MYOF: variants seen among roughly 807,000 people sequenced by gnomAD.
The protein encoded by MYOF is myoferlin.
MYOF carries 244 observed loss-of-function variants against 284.2 expected under a neutral mutation model. That is an observed-to-expected ratio of 0.86 (90% CI 0.77 to 0.95). MYOF has a LOEUF of 0.95. Among genes scored for constraint, MYOF ranks in the 40% least tolerant of loss-of-function variants. MYOF has a pLI of 0.00. For synonymous variants in MYOF, 904 were observed against 919.7 expected, an observed-to-expected ratio of 0.98 and a Z score of 0.31; for missense variants, 2,496 against 2,560.6, an observed-to-expected ratio of 0.97 and a Z score of 0.54.
rs771623993 is a variant in MYOF, at chr10:93,409,608, G to C, written c.565C>G (p.Arg189Gly). The C allele has an allele frequency of 1.2e-6, 2 of 1,614,078 alleles. No individual in the cohort carries two copies. The highest frequency in any genetic ancestry group is 1.7e-5 in the Admixed American group (1 of 60,012). The change falls in exon 6 of 54, where the codon CGG becomes GGG. Residue 189 changes from arginine to glycine, a missense_variant. This residue lies in a region of MYOF where 2,436 missense variants were observed against 2,480.7 expected (regional missense o/e 0.98). Coordinates refer to ENST00000359263, the MANE Select transcript of MYOF (RefSeq NM_013451.4). ...TGTGGCTTATTTGACAGCATCCGCC[G>C]GCTGTTCTTTACTTTGGTGAGCCTC... The part of the protein sequence containing the change: ...ARRLTKVKNS[R>G]RMLSNKPQDF...
intron 3 of MYOF, among the ~76,000 whole-genome samples, chr10:93,432,438 C>G (rs770942876): frequency 2.6e-5 from 4 of 151,890 alleles, no homozygotes; most frequent in Non-Finnish European, 4.4e-5. Context: ...CCCACTACCC[C>G]CCGCCAGAAT....
chr10:93,370,068 T>C (rs1845514818), intron 24 of MYOF, among the ~76,000 whole-genome samples: 1 of 152,210 alleles, frequency 6.6e-6, no homozygotes, highest in South Asian at 2.1e-4. Flanking sequence ...ATTTATCTTC[T>C]TTACTGTATT....
rs184058601 is a variant in MYOF, at chr10:93,460,856, G to A, written c.89-3919C>T. Among the ~76,000 whole-genome samples the A allele has an allele frequency of 4.8e-3, 730 of 152,174 alleles. 4 individuals are homozygous for A. Among genetic ancestry groups the A allele is most frequent in the African/African-American group, 0.017 (700 of 41,518 alleles). On this transcript the variant is annotated intron_variant, in intron 1 of 53. Coordinates refer to ENST00000359263, the MANE Select transcript of MYOF (RefSeq NM_013451.4). Reference sequence around the variant, plus strand: ...GACACCTGTAATCCCAGCACTGTGGGAGGCTGAGGCAGGCGGATCACCTGA... The same window carrying A: ...GACACCTGTAATCCCAGCACTGTGGAAGGCTGAGGCAGGCGGATCACCTGA...
chr10:93,376,324 G>A (rs558365380), intron 22 of MYOF, among the ~76,000 whole-genome samples: 1 of 152,090 alleles, frequency 6.6e-6, no homozygotes, highest in Non-Finnish European at 1.5e-5. Context: ...TCACACTTGG[G>A]GCCTTGAACA....
chr10:93,366,974 T>C (rs116904884), intron 25 of MYOF, among the ~76,000 whole-genome samples: 1 of 152,344 alleles, frequency 6.6e-6, no homozygotes, highest in East Asian at 1.9e-4. Flanking sequence ...TTTTATAAAA[T>C]TTATTTGTAA....
At position 93,394,801 on chromosome 10, in the gene MYOF, G is replaced by A. The variant is rs140594384; in HGVS notation, c.1417+1341C>T. Among the ~76,000 whole-genome samples the A allele has an allele frequency of 5.9e-4, 89 of 150,268 alleles. No homozygotes were observed. In the East Asian group the frequency reaches 0.015, roughly 25 times the overall value. On this transcript the variant is annotated intron_variant, in intron 16 of 53. Transcript: ENST00000359263. ...ATTGCTTTTTTTTTTCACTTCTGGA[G>A]AGAGGAAATCTATATGTTCTTCACC...
At chr10:93,418,166 C>A (rs1413262500) in intron 5 of MYOF, among the ~76,000 whole-genome samples, 3 of 152,106 alleles carry the variant, frequency 2.0e-5, no homozygotes, top group African/African-American at 7.2e-5. Context: ...ACTGGTTAAG[C>A]CAGAATTTTA....
chr10:93,482,141 G>A lies in MYOF; in HGVS notation c.54C>T (p.Gly18=), dbSNP rs2057392691. Residue 18 remains glycine (G), a synonymous_variant, in exon 1 of 54, where the codon GGC becomes GGT. Transcript: ENST00000359263. ...TGACAGAAACAATAGGATCCGGCTTGCCAAATTTCGTTTTAGGGATATTGC... is the reference window on the plus strand; with the variant it reads ...TGACAGAAACAATAGGATCCGGCTTACCAAATTTCGTTTTAGGGATATTGC... The part of the protein sequence containing the change: ...SASNIPKTKF[G]KPDPIVSVIF... 34 of 1,614,152 alleles carry A rather than the reference G, an allele frequency of 2.1e-5. No homozygotes were observed. Among genetic ancestry groups the A allele is most frequent in the Non-Finnish European group, 2.8e-5 (33 of 1,179,986 alleles).
At position 93,374,949 on chromosome 10, in the gene MYOF, C is replaced by T. The variant is rs201222693; in HGVS notation, c.2115G>A (p.Thr705=). Residue 705 remains threonine, a synonymous_variant, in exon 23 of 54, where the codon ACG becomes ACA. Coordinates refer to ENST00000359263, the MANE Select transcript of MYOF (RefSeq NM_013451.4). ...IDEVIEDTRY[T]LPLTEGKANV... is the part of the protein sequence containing the mutation. ...TGGCTTTTCCTTCTGTGAGAGGCAACGTGTATCTAGAAAAATGAAGAAAAA... is the reference window on the plus strand; with the variant it reads ...TGGCTTTTCCTTCTGTGAGAGGCAATGTGTATCTAGAAAAATGAAGAAAAA... 6.4e-5 allele frequency: 103 copies of T among 1,608,220 alleles called. No homozygotes were observed. Among genetic ancestry groups the T allele is most frequent in the East Asian group, 4.2e-4 (19 of 44,858 alleles).
At position 93,381,233 on chromosome 10, in the gene MYOF, C is replaced by T. The variant is rs376117217; in HGVS notation, c.1862G>A (p.Arg621His). The change falls in exon 20 of 54, where the codon CGT (arginine) becomes CAT (histidine). Residue 621 changes from arginine to histidine, a missense_variant. By Grantham distance (29) the Arg-to-His change is conservative. This residue lies in a region of MYOF where 2,436 missense variants were observed against 2,480.7 expected (regional missense o/e 0.98). Coordinates refer to ENST00000359263, the MANE Select transcript of MYOF (RefSeq NM_013451.4). ...KPLASTTQYSRAVFDGNYYYY... is the reference protein window; with the variant it reads ...KPLASTTQYSHAVFDGNYYYY... Reference sequence around the variant, plus strand: ...GCCAATCTTACCATCAAATACAGCACGGCTGTACTGAGTTGTTGATGCCAA... The same window carrying T: ...GCCAATCTTACCATCAAATACAGCATGGCTGTACTGAGTTGTTGATGCCAA... 214 of 1,614,052 alleles carry T rather than the reference C, an allele frequency of 1.3e-4. 2 individuals carry two copies. Among genetic ancestry groups the T allele is most frequent in the Admixed American group, 3.8e-4 (23 of 60,006 alleles).
intron 28 of MYOF, 26 bp downstream of exon 28, chr10:93,361,426 A>G (rs763677023): frequency 1.1e-5 from 17 of 1,605,934 alleles, no homozygotes; most frequent in Middle Eastern, 1.6e-4. Context: ...CAGAGCCCCA[A>G]TCAGGTCACA....
chr10:93,412,673 CTT>C (rs1847947212), intron 5 of MYOF, among the ~76,000 whole-genome samples: 1 of 152,178 alleles, frequency 6.6e-6, no homozygotes, highest in African/African-American at 2.4e-5. Context: ...GCCTTTGCTT[CTT>C]TGTTTCTGCC....
intron 17 of MYOF, among the ~76,000 whole-genome samples, chr10:93,392,280 G>A (rs1455141868): frequency 6.6e-6 from 1 of 152,058 alleles, no homozygotes; most frequent in East Asian, 1.9e-4. Flanking sequence ...AACCCTGGGA[G>A]ATTATTATGG....
intron 32 of MYOF, 59 bp from the exon 33 acceptor site, chr10:93,351,905 C>T (rs1027891579): frequency 7.0e-7 from 1 of 1,426,658 alleles, no homozygotes; most frequent in African/African-American, 1.4e-5. Context: ...TCCCCAGAAC[C>T]ACTCAGTGCA....
At position 93,443,367 on chromosome 10, in the gene MYOF, T is replaced by G. The variant is rs2056328957; in HGVS notation, c.236+8683A>C. ...TGCCTCAAGCAGTTTCCTCACTCAG[T>G]TCTCAGCTGAAGATTCAAGGGGAAT... On this transcript the variant is annotated intron_variant, in intron 3 of 53. Transcript: ENST00000359263. 2.0e-5 allele frequency among the ~76,000 whole-genome samples: 3 copies of G among 152,216 alleles called. No homozygotes were observed. The East Asian group carries it at 5.8e-4, about 29-fold the overall frequency.
chr10:93,376,304 A>G (rs1845832628), intron 22 of MYOF, among the ~76,000 whole-genome samples: 1 of 152,212 alleles, frequency 6.6e-6, no homozygotes, highest in Non-Finnish European at 1.5e-5. Flanking sequence ...GGAAGCTGTT[A>G]GTTCAAAAGT....
chr10:93,414,239 C>T (rs1848023793), intron 5 of MYOF, among the ~76,000 whole-genome samples: 1 of 151,986 alleles, frequency 6.6e-6, no homozygotes, highest in Non-Finnish European at 1.5e-5. Flanking sequence ...CTCCCGTCTT[C>T]TCATAAGAAC....
chr10:93,377,419 A>G lies in MYOF; in HGVS notation c.2012T>C (p.Ile671Thr), dbSNP rs1380672175. The change falls in exon 22 of 54, where the codon ATA becomes ACA. Residue 671 changes from isoleucine to threonine, a missense_variant. Ile to Thr is a moderately conservative substitution (Grantham distance 89, BLOSUM62 -1). Transcript: ENST00000359263. ...LAMAERLQTN[I>T]EALKSGIQGK... ...TTGTATCCCTGATTTTAGAGCTTCT[A>G]TATTTGTTTGCTGAAGAATTTGAAA... The G allele has an allele frequency of 1.9e-6, 3 of 1,612,680 alleles. No individual in the cohort carries two copies. The highest frequency in any genetic ancestry group is 3.3e-5 in the Admixed American group (2 of 59,962).
intron 44 of MYOF, among the ~76,000 whole-genome samples, chr10:93,329,250 C>T (rs1843191703): frequency 6.6e-6 from 1 of 152,202 alleles, no homozygotes; most frequent in South Asian, 2.1e-4. Context: ...TGGAAAGACA[C>T]TGTATACCAG....
Sources: gnomAD v4.1 joint callset for allele counts (sites outside exome capture counted in the v4.1 genomes callset) on GRCh38, gnomAD v4.1.1 for gene constraint, gnomAD v4.1.1 regional missense constraint, MANE v1.5 for transcripts, NCBI Gene and HGNC (gene_info 2026-07-23, HGNC 2026-07-21) for gene names.